The following ENTHD1 variants were observed in gnomAD, a reference collection of about 807,000 sequenced individuals.
The protein encoded by ENTHD1 is ENTH domain-containing protein 1.
Under a neutral mutation model 39.1 loss-of-function variants are expected in ENTHD1, and 23 were observed. The ratio of observed to expected loss-of-function variants is 0.59; its 90% CI spans 0.42 to 0.83. The LOEUF (loss-of-function observed/expected upper bound fraction) is 0.83, where lower values mean the gene tolerates loss of function less well. Ranked by LOEUF, ENTHD1 falls within the 40% of genes least tolerant of loss-of-function variation. ENTHD1 has a pLI of 0.00. For synonymous variants in ENTHD1, 230 were observed against 258.2 expected (o/e 0.89, Z 1.05); for missense variants, 624 against 705.4 (o/e 0.88, Z 1.31).
chr22:39,806,492 C>T (rs1190006154), intron 5 of ENTHD1, among the ~76,000 whole-genome samples: 1 of 152,106 alleles, frequency 6.6e-6, no homozygotes, highest in Non-Finnish European at 1.5e-5. Flanking sequence ...GCAAAAAATA[C>T]AAAAAGCACT....
chr22:39,824,337 G>C (rs1005482249), intron 4 of ENTHD1, among the ~76,000 whole-genome samples: 2 of 147,960 alleles, frequency 1.4e-5, no homozygotes, highest in African/African-American at 5.0e-5. Context: ...AGCCTCCCAA[G>C]TAGCTGGGAT....
chr22:39,779,122 G>T (rs1433078094), intron 5 of ENTHD1, among the ~76,000 whole-genome samples: 1 of 152,024 alleles, frequency 6.6e-6, no homozygotes, highest in East Asian at 1.9e-4. Flanking sequence ...TTCGAGACCA[G>T]CCTGGCCAAC....
At chr22:39,853,057 A>G (rs1393912884) in intron 3 of ENTHD1, among the ~76,000 whole-genome samples, 3 of 152,222 alleles carry the variant, frequency 2.0e-5, no homozygotes, top group Admixed American at 6.5e-5. Context: ...GTAGGAAGTA[A>G]CAACATCAAC....
chr22:39,879,276 C>A (rs1450137105), intron 2 of ENTHD1, among the ~76,000 whole-genome samples: 1 of 151,462 alleles, frequency 6.6e-6, no homozygotes, highest in East Asian at 1.9e-4. Flanking sequence ...TCCTGGCTAA[C>A]ATGGTGAAAC....
chr22:39,872,238 A>T (rs1395474071), intron 2 of ENTHD1, among the ~76,000 whole-genome samples: 1 of 152,184 alleles, frequency 6.6e-6, no homozygotes, highest in Non-Finnish European at 1.5e-5. Flanking sequence ...AATTTTAGTT[A>T]TTTGGCTTTA....
At chr22:39,770,899 C>A (rs1044220882) in intron 5 of ENTHD1, among the ~76,000 whole-genome samples, 1 of 152,078 alleles carries the variant, frequency 6.6e-6, no homozygotes, top group African/African-American at 2.4e-5. Context: ...AGATTTTGGA[C>A]TTTTTCAGAC....
rs372354742 is a variant in ENTHD1, at chr22:39,839,434, C to T, written c.593-3476G>A. On this transcript the variant is annotated intron_variant, in intron 3 of 6. Coordinates refer to ENST00000325157, the MANE Select transcript of ENTHD1 (RefSeq NM_152512.4). ...AAAATTTGAACAAGGCTTTGAAGGA[C>T]GGCTAGGATTCCAATAAGGGTAGAG... 1.8e-3 allele frequency among the ~76,000 whole-genome samples: 275 copies of T among 152,178 alleles called. 1 individual carries two copies. The highest frequency in any genetic ancestry group is 6.0e-3 in the African/African-American group (249 of 41,518).
At chr22:39,844,157 T>A (rs954485062) in intron 3 of ENTHD1, among the ~76,000 whole-genome samples, 3 of 152,014 alleles carry the variant, frequency 2.0e-5, no homozygotes, top group Non-Finnish European at 2.9e-5. Context: ...TCTTGGTAGA[T>A]GAATTTTGAG....
intron 4 of ENTHD1, among the ~76,000 whole-genome samples, chr22:39,822,401 A>G (rs2065790393): frequency 6.6e-6 from 1 of 152,134 alleles, no homozygotes; most frequent in African/African-American, 2.4e-5. Flanking sequence ...CCACTATTCT[A>G]TCATATCACC....
chr22:39,862,403 C>T (rs1268836412), intron 2 of ENTHD1, among the ~76,000 whole-genome samples: 1 of 151,930 alleles, frequency 6.6e-6, no homozygotes, highest in Non-Finnish European at 1.5e-5. Context: ...AAAAAACTAG[C>T]TGGGCATGGT....
chr22:39,808,123 A>T (rs1488533691), intron 5 of ENTHD1, among the ~76,000 whole-genome samples: 1 of 152,180 alleles, frequency 6.6e-6, no homozygotes, highest in Non-Finnish European at 1.5e-5. Context: ...TGTTATGAAG[A>T]TTAAATGAGC....
At chr22:39,887,105 A>G (rs1253958855) in intron 2 of ENTHD1, among the ~76,000 whole-genome samples, 1 of 152,160 alleles carries the variant, frequency 6.6e-6, no homozygotes, top group Admixed American at 6.5e-5. Flanking sequence ...GTCCCAGAGG[A>G]AAGACAGCTA....
rs1418838144 is a variant in ENTHD1, at chr22:39,892,320, A to G, written c.-156+1375T>C. ...AACAGGAAATGATTTATCAGCTGGC[A>G]TTAAACTATTGGTCCACGATCTTTT... On this transcript the variant is annotated intron_variant, in intron 1 of 6. Coordinates refer to ENST00000325157, the MANE Select transcript of ENTHD1 (RefSeq NM_152512.4). 6.6e-5 allele frequency among the ~76,000 whole-genome samples: 10 copies of G among 152,212 alleles called. 1 individual carries two copies. The highest frequency in any genetic ancestry group is 2.9e-5 in the Non-Finnish European group (2 of 68,032).
intron 2 of ENTHD1, among the ~76,000 whole-genome samples, chr22:39,886,072 AAAAAGGGAAG>A (rs1697751147): frequency 6.6e-6 from 1 of 152,176 alleles, no homozygotes; most frequent in African/African-American, 2.4e-5. Context: ...TTTTTTTTAA[AAAAAGGGAAG>A]AAAAAAATAA....
intron 5 of ENTHD1, among the ~76,000 whole-genome samples, chr22:39,799,183 G>C (rs576812640): frequency 1.3e-5 from 2 of 152,330 alleles, no homozygotes; most frequent in African/African-American, 4.8e-5. Context: ...GCAGTGGATG[G>C]TGGGAGCCTG....
intron 6 of ENTHD1, among the ~76,000 whole-genome samples, chr22:39,753,056 T>G (rs2065159203): frequency 6.6e-6 from 1 of 152,122 alleles, no homozygotes; most frequent in Non-Finnish European, 1.5e-5. Flanking sequence ...GAACAAGTAC[T>G]AGTGAAGACC....
chr22:39,807,481 C>T (rs571126081), intron 5 of ENTHD1, among the ~76,000 whole-genome samples: 2 of 152,244 alleles, frequency 1.3e-5, no homozygotes, highest in African/African-American at 4.8e-5. Flanking sequence ...GTCACCTTTA[C>T]ATATAAGACC....
chr22:39,795,860 T>C (rs1320151085), intron 5 of ENTHD1, among the ~76,000 whole-genome samples: 1 of 152,184 alleles, frequency 6.6e-6, no homozygotes, highest in African/African-American at 2.4e-5. Flanking sequence ...TATCAGCATA[T>C]AGTTGTTCGT....
intron 5 of ENTHD1, among the ~76,000 whole-genome samples, chr22:39,806,112 C>G (rs2065638582): frequency 6.6e-6 from 1 of 152,232 alleles, no homozygotes; most frequent in Non-Finnish European, 1.5e-5. Flanking sequence ...TGCTACATCT[C>G]TGGGTTCCTG....
Sources: allele counts gnomAD v4.1 joint callset (sites outside exome capture counted in the v4.1 genomes callset), GRCh38; gene constraint gnomAD v4.1.1; transcripts MANE v1.5; gene names NCBI Gene and HGNC (gene_info 2026-07-23, HGNC 2026-07-21).